Variants in MYRIP observed in about 807,000 individuals in gnomAD.
The protein encoded by MYRIP is myosin VIIA and Rab interacting protein.
In MYRIP, 49 loss-of-function variants were observed where a neutral mutation model predicts 98.0. That is an observed-to-expected ratio of 0.50 (90% CI 0.40 to 0.63). The LOEUF (loss-of-function observed/expected upper bound fraction) is 0.63, where lower values mean the gene tolerates loss of function less well. MYRIP is among the 30% of genes least tolerant of loss of function. The pLI, the probability that MYRIP is intolerant of heterozygous loss-of-function variation, is 0.00. For missense variants in MYRIP, 1,004 were observed against 1,058.2 expected (o/e 0.95, Z 0.71); for synonymous variants, 404 against 409.5 (o/e 0.99, Z 0.16).
intron 3 of MYRIP, among the ~76,000 whole-genome samples, chr3:40,123,129 C>T (rs1228714233): frequency 6.6e-6 from 1 of 152,168 alleles, no homozygotes; most frequent in Non-Finnish European, 1.5e-5. Flanking sequence ...GAAATGTTAT[C>T]TGATATAGTT....
At chr3:39,976,934 A>T (rs1945768515) in intron 2 of MYRIP, among the ~76,000 whole-genome samples, 1 of 152,138 alleles carries the variant, frequency 6.6e-6, no homozygotes, top group African/African-American at 2.4e-5. Flanking sequence ...ATTAGGAGAT[A>T]TACCTAATGT....
At chr3:40,216,044 G>GT (rs1233182168) in intron 11 of MYRIP, among the ~76,000 whole-genome samples, 1 of 152,158 alleles carries the variant, frequency 6.6e-6, no homozygotes, top group African/African-American at 2.4e-5. Flanking sequence ...AGAGTTCTAG[G>GT]TTCTCTTTTG....
At chr3:39,949,595 C>T (rs1278206830) in intron 2 of MYRIP, among the ~76,000 whole-genome samples, 1 of 152,050 alleles carries the variant, frequency 6.6e-6, no homozygotes, top group African/African-American at 2.4e-5. Context: ...TCCAAGTGCT[C>T]ATTCATCACC....
intron 3 of MYRIP, among the ~76,000 whole-genome samples, chr3:40,086,706 T>C (rs559981527): frequency 6.6e-6 from 1 of 152,306 alleles, no homozygotes; most frequent in East Asian, 1.9e-4. Context: ...AGTTCCACTA[T>C]GCATCAGAGA....
intron 3 of MYRIP, among the ~76,000 whole-genome samples, chr3:40,114,076 C>A (rs963796679): frequency 6.6e-5 from 10 of 152,146 alleles, no homozygotes; most frequent in Middle Eastern, 3.2e-3. Flanking sequence ...AAATAATAAT[C>A]ATTTTGACAC....
At chr3:40,107,663 A>G (rs1949075150) in intron 3 of MYRIP, among the ~76,000 whole-genome samples, 1 of 152,176 alleles carries the variant, frequency 6.6e-6, no homozygotes. Flanking sequence ...AATTATAGGT[A>G]TCCCTGAACA....
chr3:39,833,731 A>G (rs1019157826), intron 1 of MYRIP, among the ~76,000 whole-genome samples: 3 of 152,180 alleles, frequency 2.0e-5, no homozygotes, highest in Non-Finnish European at 4.4e-5. Context: ...CAGAATTTGA[A>G]AAACTAGGGC....
intron 2 of MYRIP, among the ~76,000 whole-genome samples, chr3:39,951,094 G>A (rs1945002792): frequency 6.6e-6 from 1 of 152,154 alleles, no homozygotes; most frequent in Non-Finnish European, 1.5e-5. Context: ...ACAACAAGAA[G>A]TTTTGTCACA....
intron 2 of MYRIP, among the ~76,000 whole-genome samples, chr3:40,027,474 G>T (rs1947160439): frequency 6.6e-6 from 1 of 151,950 alleles, no homozygotes; most frequent in South Asian, 2.1e-4. Context: ...TGTTCTGTCT[G>T]GGATGCTGTG....
chr3:40,093,913 GC>G, intron 3 of MYRIP, among the ~76,000 whole-genome samples: 1 of 152,298 alleles, frequency 6.6e-6, no homozygotes, highest in Non-Finnish European at 1.5e-5. Flanking sequence ...TGGCCCACCA[GC>G]TTTTCCACCT....
intron 2 of MYRIP, among the ~76,000 whole-genome samples, chr3:39,944,707 A>T (rs1944859884): frequency 6.6e-6 from 1 of 152,202 alleles, no homozygotes; most frequent in Non-Finnish European, 1.5e-5. Flanking sequence ...AATGGAAGCT[A>T]AGAAACACAT....
At chr3:40,214,097 A>G (rs1337343556) in intron 11 of MYRIP, among the ~76,000 whole-genome samples, 2 of 152,144 alleles carry the variant, frequency 1.3e-5, no homozygotes, top group Non-Finnish European at 2.9e-5. Context: ...GTGCACCCCA[A>G]TTTTTGTCTC....
At chr3:39,998,566 G>A (rs1946430443) in intron 2 of MYRIP, among the ~76,000 whole-genome samples, 1 of 152,136 alleles carries the variant, frequency 6.6e-6, no homozygotes, top group Admixed American at 6.5e-5. Context: ...ATGCTCACAG[G>A]TAGGAAGAAT....
intron 2 of MYRIP, among the ~76,000 whole-genome samples, chr3:40,035,784 A>T (rs1295650269): frequency 6.6e-6 from 1 of 152,020 alleles, no homozygotes; most frequent in Non-Finnish European, 1.5e-5. Flanking sequence ...AAAAGAAGGT[A>T]TAGGAACCAA....
At chr3:40,140,861 A>G (rs72856950) in intron 3 of MYRIP, among the ~76,000 whole-genome samples, 59 of 152,324 alleles carry the variant, frequency 3.9e-4, no homozygotes, top group African/African-American at 1.4e-3. Context: ...CATGTCATGA[A>G]AAATGGAGAT....
chr3:40,039,713 C>T (rs1947467970), intron 2 of MYRIP, among the ~76,000 whole-genome samples: 1 of 94,104 alleles, frequency 1.1e-5, no homozygotes, highest in African/African-American at 3.4e-5. Flanking sequence ...AAAGTTTGTA[C>T]TTACTGTTTT....
At chr3:40,183,818 T>C (rs947357871) in intron 9 of MYRIP, among the ~76,000 whole-genome samples, 6 of 152,224 alleles carry the variant, frequency 3.9e-5, no homozygotes, top group East Asian at 1.9e-4. Context: ...ATAGCCATCC[T>C]AGTAATAAGC....
At chr3:39,847,840 A>G (rs1187104242) in intron 1 of MYRIP, among the ~76,000 whole-genome samples, 6 of 152,054 alleles carry the variant, frequency 3.9e-5, no homozygotes, top group Non-Finnish European at 5.9e-5. Flanking sequence ...GTTATCTGTT[A>G]TCCCCCTCAC....
At chr3:40,050,493 T>C (rs1185443183) in intron 3 of MYRIP, among the ~76,000 whole-genome samples, 1 of 152,170 alleles carries the variant, frequency 6.6e-6, no homozygotes, top group Non-Finnish European at 1.5e-5. Flanking sequence ...CAAAATATTA[T>C]TGCTCATTGG....
Sources: gnomAD v4.1 joint callset for allele counts (sites outside exome capture counted in the v4.1 genomes callset) on GRCh38, gnomAD v4.1.1 for gene constraint, MANE v1.5 for transcripts, NCBI Gene and HGNC (gene_info 2026-07-23, HGNC 2026-07-21) for gene names.